Variants in RABL2B observed in about 807,000 individuals in gnomAD.
RABL2B encodes RAB, member of RAS oncogene family like 2B, also known as rab-like protein 2B.
Under a neutral mutation model 26.7 loss-of-function variants are expected in RABL2B, and 17 were observed. The observed-to-expected ratio is 0.64, with a 90% CI of 0.44 to 0.95. The LOEUF (loss-of-function observed/expected upper bound fraction) is 0.95, where lower values mean the gene tolerates loss of function less well. Among genes scored for constraint, RABL2B ranks in the 40% least tolerant of loss-of-function variants. The pLI, the probability that RABL2B is intolerant of heterozygous loss-of-function variation, is 0.00. For synonymous variants in RABL2B, 70 were observed against 103.9 expected (o/e 0.67, Z 1.99); for missense variants, 170 against 277.2 (o/e 0.61, Z 2.75).
At chr22:50,772,787 A>T in intron 5 of RABL2B, 1 of 1,120,068 alleles carries the variant, frequency 8.9e-7, no homozygotes, top group Non-Finnish European at 1.1e-6. Context: ...GCCTCACACC[A>T]GGCTCAGATG....
chr22:50,772,297 G>C (rs2084309529), intron 5 of RABL2B: 1 of 982,006 alleles, frequency 1.0e-6, no homozygotes, highest in African/African-American at 1.7e-5. Flanking sequence ...CCAAAGTACT[G>C]GGATTAAAGG....
chr22:50,776,319 A>C (rs1555923980), intron 4 of RABL2B, among the ~76,000 whole-genome samples: 1 of 152,160 alleles, frequency 6.6e-6, no homozygotes, highest in East Asian at 1.9e-4. Flanking sequence ...TATTTTTTCA[A>C]ACTGGCTGAG....
intron 5 of RABL2B, among the ~76,000 whole-genome samples, chr22:50,774,990 G>C (rs1274152781): frequency 6.6e-6 from 1 of 152,190 alleles, no homozygotes; most frequent in African/African-American, 2.4e-5. Context: ...TGTTGGCCAG[G>C]CTGGTCTCAA....
intron 5 of RABL2B, among the ~76,000 whole-genome samples, chr22:50,770,888 C>T (rs1174825524): frequency 2.1e-5 from 3 of 141,788 alleles, no homozygotes; most frequent in Non-Finnish European, 3.0e-5. Flanking sequence ...GTAGCACGCA[C>T]GCATTAATTT....
At chr22:50,771,155 G>A (rs2084102681) in intron 5 of RABL2B, 2 of 151,196 alleles carry the variant, frequency 1.3e-5, no homozygotes, top group Admixed American at 1.3e-4. Flanking sequence ...TGATTCTCTT[G>A]TCTCGGCCTC....
intron 5 of RABL2B, among the ~76,000 whole-genome samples, chr22:50,774,718 G>A (rs1279636754): frequency 3.3e-5 from 5 of 151,102 alleles, no homozygotes; most frequent in African/African-American, 4.9e-5. Flanking sequence ...CAATTGCTAG[G>A]GTTAATAATT....
In RABL2B at chr22:50,775,811, C is replaced by T. The variant is rs1555923236; in HGVS notation, c.258G>A (p.Met86Ile). The T allele has an allele frequency of 6.2e-7, 1 of 1,614,198 alleles. No homozygotes were observed. The highest frequency in any genetic ancestry group is 8.5e-7 in the Non-Finnish European group (1 of 1,180,032). Residue 86 changes from methionine to isoleucine, a missense_variant, in exon 5 of 9, where the codon ATG becomes ATA. By Grantham distance (10) the Met-to-Ile change is conservative. Coordinates refer to ENST00000691320, the MANE Select transcript of RABL2B (RefSeq NM_001130919.3). Reference protein sequence around the residue: ...DTAGQERFQSMHASYYHKAHA... With the variant: ...DTAGQERFQSIHASYYHKAHA... Reference sequence around the variant, plus strand: ...GGGCCTTGTGGTAGTAGGAGGCATGCATGCTCTGGAACCGCTCCTGGCCTG... The same window carrying T: ...GGGCCTTGTGGTAGTAGGAGGCATGTATGCTCTGGAACCGCTCCTGGCCTG...
chr22:50,775,727 C>T (rs535331596), intron 5 of RABL2B, 45 bp downstream of exon 5: 1 of 1,611,966 alleles, frequency 6.2e-7, no homozygotes, highest in African/African-American at 1.3e-5. Flanking sequence ...ACCCCTCAGG[C>T]CAGACTTGCC....
At chr22:50,780,916 C>T (rs2085729938) in intron 2 of RABL2B, among the ~76,000 whole-genome samples, 1 of 152,146 alleles carries the variant, frequency 6.6e-6, no homozygotes, top group African/African-American at 2.4e-5. Flanking sequence ...CATTTCTATT[C>T]TTTGTTGTTT....
At chr22:50,776,900 GATCAGCTTCACAT>G in intron 3 of RABL2B, 151 bp from the exon 4 acceptor site, 1 of 1,458,270 alleles carries the variant, frequency 6.9e-7, no homozygotes, top group Non-Finnish European at 9.2e-7. Flanking sequence ...GCAGACAGAG[GATCAGCTTCACAT>G]ATCACTGGTA....
intron 3 of RABL2B, 105 bp downstream of exon 3, chr22:50,777,847 C>T (rs1203744002): frequency 6.3e-7 from 1 of 1,580,562 alleles, no homozygotes. Context: ...CTTACCCAAT[C>T]CTCCTTCCTG....
At chr22:50,780,348 A>T (rs1276321539) in intron 2 of RABL2B, among the ~76,000 whole-genome samples, 3 of 151,020 alleles carry the variant, frequency 2.0e-5, no homozygotes, top group African/African-American at 4.9e-5. Context: ...TCTAGAAATG[A>T]GGCCGTGTAC....
chr22:50,769,181 C>A, intron 7 of RABL2B, 57 bp from the exon 8 acceptor site: 1 of 599,286 alleles, frequency 1.7e-6, no homozygotes, highest in East Asian at 2.8e-5. Flanking sequence ...CCAGTCCACC[C>A]CACTGGCCCC....
At chr22:50,775,914 C>G in intron 4 of RABL2B, 63 bp from the exon 5 acceptor site, 1 of 1,610,494 alleles carries the variant, frequency 6.2e-7, no homozygotes, top group South Asian at 1.1e-5. Context: ...CACTAAGATA[C>G]AACACACATG....
chr22:50,780,659 A>C (rs1339038978), intron 2 of RABL2B: 2 of 470,564 alleles, frequency 4.3e-6, no homozygotes, highest in African/African-American at 4.0e-5. Context: ...TATCTGGGAC[A>C]ACCTTTTGCC....
intron 2 of RABL2B, among the ~76,000 whole-genome samples, 167 bp from the exon 3 acceptor site, chr22:50,778,148 A>T (rs1555925848): frequency 1.3e-5 from 2 of 151,942 alleles, no homozygotes; most frequent in Admixed American, 6.5e-5. Context: ...GGGTATCAGC[A>T]TTACCAACCC....
rs1236495645 is a variant in RABL2B at position 50,777,750 on chromosome 22, T to C, written c.137+202A>G. The C allele has an allele frequency of 1.6e-5, 11 of 708,902 alleles. No individual in the cohort carries two copies. In the Admixed American group the frequency reaches 2.1e-4, roughly 13 times the overall value. 43.9% of individuals were successfully genotyped at this position (708,902 alleles called of 1,614,324 possible). On this transcript the variant is annotated intron_variant, in intron 3 of 8. Transcript: ENST00000691320. Reference sequence around the variant, plus strand: ...TAATATAAAACAATCCAAATATGAGTAAGGTCCAAAATATACAGCACTGAT... The same window carrying C: ...TAATATAAAACAATCCAAATATGAGCAAGGTCCAAAATATACAGCACTGAT...
Position 50,769,442 on chromosome 22 carries a change from C to T in RABL2B, c.507+13G>A, listed in dbSNP as rs2083806794. 1.9e-6 allele frequency: 3 copies of T among 1,611,818 alleles called. No homozygotes were observed. Among genetic ancestry groups the T allele is most frequent in the Non-Finnish European group, 1.7e-6 (2 of 1,178,906 alleles). The stretch of plus-strand genomic sequence containing the variant: ...GCCCTGACCTTGCTAGCTACCTCTG[C>T]AGTCAACCACACCTTCACAACATTG... On this transcript the variant is annotated intron_variant, in intron 7 of 8. Transcript: ENST00000691320.
In RABL2B at chr22:50,782,163, T is replaced by C. The variant is rs1555929992; in HGVS notation, c.107+25A>G. On this transcript the variant is annotated intron_variant, in intron 2 of 8. Coordinates refer to ENST00000691320, the MANE Select transcript of RABL2B (RefSeq NM_001130919.3). ...ACCTGGACCCTCTCTGGGGCTGGTA[T>C]TTATTCCCTAATCTCCCAACATACT... The C allele has an allele frequency of 6.4e-6, 9 of 1,414,326 alleles. No homozygotes were observed. The South Asian group carries it at 1.0e-4, about 16-fold the overall frequency. The allele number at this position is 1,414,326 out of a possible 1,614,324, so 87.6% of individuals were successfully genotyped here.
Sources: allele counts gnomAD v4.1 joint callset (sites outside exome capture counted in the v4.1 genomes callset), GRCh38; gene constraint gnomAD v4.1.1; transcripts MANE v1.5; gene names NCBI Gene and HGNC (gene_info 2026-07-23, HGNC 2026-07-21).